The following MLLT10 variants were observed in gnomAD, a reference collection of about 807,000 sequenced individuals.
MLLT10 encodes the protein MLLT10 histone lysine methyltransferase DOT1L cofactor.
Under a neutral mutation model 129.1 loss-of-function variants are expected in MLLT10, and 30 were observed. That is an observed-to-expected ratio of 0.23 (90% CI 0.17 to 0.32). The LOEUF (loss-of-function observed/expected upper bound fraction) is 0.32. MLLT10 is among the 10% of genes least tolerant of loss of function. MLLT10 has a pLI of 1.00. For synonymous variants in MLLT10, 490 were observed against 446.4 expected (o/e 1.10, Z -1.23); for missense variants, 1,119 against 1,268.3 (o/e 0.88, Z 1.79).
intron 17 of MLLT10, among the ~76,000 whole-genome samples, chr10:21,732,389 A>G (rs1050307596): frequency 6.6e-6 from 1 of 152,186 alleles, no homozygotes; most frequent in African/African-American, 2.4e-5. Flanking sequence ...GCAGAGCAAC[A>G]TGCTGAGCAG....
At chr10:21,538,108 C>T (rs2034398556) in intron 2 of MLLT10, among the ~76,000 whole-genome samples, 1 of 151,364 alleles carries the variant, frequency 6.6e-6, no homozygotes, top group Non-Finnish European at 1.5e-5. Context: ...TCAAGTCAGC[C>T]TCCTGAGTAG....
intron 7 of MLLT10, among the ~76,000 whole-genome samples, chr10:21,616,364 A>G (rs1035387962): frequency 7.2e-5 from 11 of 152,100 alleles, no homozygotes; most frequent in Non-Finnish European, 1.0e-4. Context: ...ATTTAATAAG[A>G]TTGTATAATC....
chr10:21,594,553 CAAAAA>C (rs34844830), intron 4 of MLLT10, among the ~76,000 whole-genome samples: 1 of 57,564 alleles, frequency 1.7e-5, no homozygotes, highest in Non-Finnish European at 3.0e-5. Context: ...AACTCTGTCT[CAAAAA>C]AAAAAAAAAA....
At chr10:21,545,947 G>A (rs974517625) in intron 3 of MLLT10, among the ~76,000 whole-genome samples, 8 of 152,116 alleles carry the variant, frequency 5.3e-5, no homozygotes, top group Admixed American at 2.6e-4. Context: ...GATTTCAGGC[G>A]TGAGCCACCA....
chr10:21,673,522 A>AGGG lies in MLLT10; in HGVS notation c.1229_1231dup (p.Gly410dup), dbSNP rs747811015. 6.2e-7 allele frequency: 1 copy of AGGG among 1,613,650 alleles called. No individual in the cohort carries two copies. Among genetic ancestry groups the AGGG allele is most frequent in the Admixed American group, 1.7e-5 (1 of 59,930 alleles). ...ATAAAGGAGAGTCTGGAAGCCAGGA[A>AGGG]GGGGGGGTAAATAGTTTTAGTACCT... is the stretch of plus-strand genomic sequence containing the variant. On this transcript the variant is annotated inframe_insertion, in exon 11 of 23. Coordinates refer to ENST00000307729, the MANE Select transcript of MLLT10 (RefSeq NM_001195626.3).
intron 9 of MLLT10, 91 bp from the exon 10 acceptor site, chr10:21,670,358 C>T (rs941445005): frequency 7.3e-6 from 9 of 1,240,168 alleles, no homozygotes; most frequent in South Asian, 1.9e-5. Context: ...GTTTATTCTG[C>T]AAGTTCTTCT....
intron 5 of MLLT10, chr10:21,595,650 G>C: frequency 2.3e-6 from 1 of 441,068 alleles, no homozygotes; most frequent in Non-Finnish European, 4.1e-6. Context: ...ACCTTTTATA[G>C]TAACCTAGGT....
intron 13 of MLLT10, among the ~76,000 whole-genome samples, chr10:21,711,774 T>G (rs1408386511): frequency 2.0e-5 from 3 of 151,972 alleles, no homozygotes; most frequent in Non-Finnish European, 4.4e-5. Flanking sequence ...GAAAAGAAAT[T>G]AGCTTGAAAA....
chr10:21,601,141 T>C (rs1214036000), intron 5 of MLLT10, among the ~76,000 whole-genome samples: 1 of 152,166 alleles, frequency 6.6e-6, no homozygotes, highest in Non-Finnish European at 1.5e-5. Flanking sequence ...AGATAGGATC[T>C]CACTATGTTG....
intron 4 of MLLT10, among the ~76,000 whole-genome samples, chr10:21,590,843 C>G (rs2042425652): frequency 6.6e-6 from 1 of 151,744 alleles, no homozygotes; most frequent in Non-Finnish European, 1.5e-5. Flanking sequence ...TTGCCATCTC[C>G]CTGTTTTCTA....
intron 8 of MLLT10, chr10:21,624,796 G>C: frequency 9.3e-7 from 1 of 1,078,002 alleles, no homozygotes; most frequent in Non-Finnish European, 1.4e-6. Flanking sequence ...ATTGTCCCCT[G>C]ATTGCCCTGA....
chr10:21,615,076 A>G (rs902645600), intron 7 of MLLT10, 152 bp downstream of exon 7: 2 of 599,122 alleles, frequency 3.3e-6, no homozygotes, highest in Non-Finnish European at 5.7e-6. Context: ...GGAAGTAAAT[A>G]GATCTGTTAA....
intron 22 of MLLT10, 98 bp downstream of exon 22, chr10:21,740,334 TC>T (rs1336686302): frequency 7.3e-7 from 1 of 1,366,814 alleles, no homozygotes; most frequent in African/African-American, 1.4e-5. Flanking sequence ...CCTGATCATT[TC>T]TTCTTAAAAC....
At chr10:21,597,042 T>C (rs2043087891) in intron 5 of MLLT10, among the ~76,000 whole-genome samples, 1 of 152,128 alleles carries the variant, frequency 6.6e-6, no homozygotes, top group Non-Finnish European at 1.5e-5. Flanking sequence ...GCTTTGGAAG[T>C]TCGTTTTTAA....
At chr10:21,643,755 A>C (rs1256277295) in intron 8 of MLLT10, among the ~76,000 whole-genome samples, 7 of 152,124 alleles carry the variant, frequency 4.6e-5, no homozygotes, top group African/African-American at 1.7e-4. Context: ...TTGGTGCTAC[A>C]CAGTCTGTAA....
intron 3 of MLLT10, among the ~76,000 whole-genome samples, chr10:21,567,986 A>G (rs1159517395): frequency 6.6e-6 from 1 of 151,774 alleles, no homozygotes; most frequent in East Asian, 1.9e-4. Context: ...CGCCCGGGTA[A>G]TTTTTATTTT....
intron 11 of MLLT10, among the ~76,000 whole-genome samples, chr10:21,677,312 A>G (rs1057032422): frequency 6.6e-6 from 1 of 152,222 alleles, no homozygotes; most frequent in African/African-American, 2.4e-5. Context: ...TTGAGAAATC[A>G]TTTAGTAATT....
rs781074732 is a variant in MLLT10 at position 21,670,509 on chromosome 10, A to T, written c.856A>T (p.Thr286Ser). ...SGSLKRLEDT[T>S]ARFTNANFQE... ...ATCATTGAAGCGCTTGGAAGATACT[A>T]CTGCACGATTTACAAATGCAAATTT... Residue 286 changes from threonine (T) to serine (S), a missense_variant, in exon 10 of 23, where the codon ACT becomes TCT. By Grantham distance (58) the Thr-to-Ser change is moderately conservative. Around this residue, in one of 5 missense-constraint regions of MLLT10, gnomAD observed 1,004 missense variants for 1,008.7 expected, o/e 1.00. Transcript: ENST00000307729. 16 of 1,613,988 alleles carry T rather than the reference A, an allele frequency of 9.9e-6. No individual in the cohort carries two copies. The highest frequency in any genetic ancestry group is 4.5e-5 in the East Asian group (2 of 44,880).
At chr10:21,674,043 G>T in intron 11 of MLLT10, 124 bp downstream of exon 11, 1 of 739,902 alleles carries the variant, frequency 1.4e-6, no homozygotes, top group Non-Finnish European at 2.0e-6. Context: ...TAATTAAAGT[G>T]AAATTTCTCA....
Sources: allele counts gnomAD v4.1 joint callset (sites outside exome capture counted in the v4.1 genomes callset), GRCh38; gene constraint gnomAD v4.1.1; regional missense constraint gnomAD v4.1.1; transcripts MANE v1.5; gene names NCBI Gene and HGNC (gene_info 2026-07-23, HGNC 2026-07-21).